The following ARHGAP24 variants were observed in gnomAD, a reference collection of about 807,000 sequenced individuals.
ARHGAP24 encodes Rho GTPase activating protein 24.
In ARHGAP24, 50 loss-of-function variants were observed where a neutral mutation model predicts 76.4. The observed-to-expected ratio is 0.65, with a 90% CI of 0.52 to 0.83. The LOEUF is 0.83. ARHGAP24 is among the 40% of genes least tolerant of loss of function. The pLI, the probability that ARHGAP24 is intolerant of heterozygous loss-of-function variation, is 0.00. For synonymous variants in ARHGAP24, 345 were observed against 323.3 expected, an observed-to-expected ratio of 1.07 and a Z score of -0.72; for missense variants, 930 against 914.2, an observed-to-expected ratio of 1.02 and a Z score of -0.22.
In ARHGAP24 at chr4:85,535,999, A is replaced by G. The variant is rs10016153; in HGVS notation, c.-20-34523A>G. ...CGTTTATTGTGACAGGTATACCATG[A>G]CTTAGTTTACATCGCTGGTGTTTAA... On this transcript the variant is annotated intron_variant, in intron 1 of 9. Transcript: ENST00000395184. Among the ~76,000 whole-genome samples, 424 of 152,258 alleles carry G rather than the reference A, an allele frequency of 2.8e-3. 1 individual carries two copies. The highest frequency in any genetic ancestry group is 9.7e-3 in the African/African-American group (403 of 41,550).
chr4:85,690,937 G>A (rs1379876932), intron 2 of ARHGAP24, among the ~76,000 whole-genome samples: 3 of 151,768 alleles, frequency 2.0e-5, no homozygotes, highest in Non-Finnish European at 2.9e-5. Context: ...TGCAAGGTAA[G>A]GTTGCTAATT....
chr4:85,677,056 C>T (rs1286281460), intron 2 of ARHGAP24, among the ~76,000 whole-genome samples: 1 of 152,162 alleles, frequency 6.6e-6, no homozygotes, highest in African/African-American at 2.4e-5. Context: ...TGGGGGAAAA[C>T]GATTTCGTAC....
At chr4:85,584,993 G>C (rs776700460) in intron 2 of ARHGAP24, among the ~76,000 whole-genome samples, 1 of 152,134 alleles carries the variant, frequency 6.6e-6, no homozygotes, top group Non-Finnish European at 1.5e-5. Context: ...CAAAGAGTGT[G>C]TATGCAAGAT....
chr4:85,992,624 C>A (rs1320377537), intron 8 of ARHGAP24, among the ~76,000 whole-genome samples: 1 of 152,080 alleles, frequency 6.6e-6, no homozygotes, highest in Non-Finnish European at 1.5e-5. Flanking sequence ...TGCGTGTGGG[C>A]AAATAGTAAA....
chr4:85,994,274 G>C (rs932467199), intron 8 of ARHGAP24, among the ~76,000 whole-genome samples: 1 of 152,104 alleles, frequency 6.6e-6, no homozygotes, highest in Non-Finnish European at 1.5e-5. Flanking sequence ...CCTGGGTCTG[G>C]TCCTTAACGT....
chr4:85,782,457 A>T (rs1727609632), intron 3 of ARHGAP24, among the ~76,000 whole-genome samples: 2 of 152,224 alleles, frequency 1.3e-5, no homozygotes, highest in African/African-American at 4.8e-5. Context: ...GAATTAATGC[A>T]TGTTAGCATT....
At chr4:85,877,071 A>T (rs962396405) in intron 3 of ARHGAP24, among the ~76,000 whole-genome samples, 4 of 151,996 alleles carry the variant, frequency 2.6e-5, no homozygotes, top group African/African-American at 9.7e-5. Context: ...AGTTAGAGCC[A>T]TCTCTATCTC....
At chr4:85,485,052 T>A (rs938697762) in intron 1 of ARHGAP24, among the ~76,000 whole-genome samples, 1 of 151,694 alleles carries the variant, frequency 6.6e-6, no homozygotes, top group Non-Finnish European at 1.5e-5. Context: ...CTTAAAAAAA[T>A]ATTGACCTGG....
Position 85,570,392 on chromosome 4 carries a change from T to G in ARHGAP24, c.-20-130T>G. ...TTTCTTTCTTTCTTTCTTTCTTTCTTTCTTTCTTTCTTTCTTTCTTTCTTT... is the reference window on the plus strand; with the variant it reads ...TTTCTTTCTTTCTTTCTTTCTTTCTGTCTTTCTTTCTTTCTTTCTTTCTTT... On this transcript the variant is annotated intron_variant, in intron 1 of 9. Transcript: ENST00000395184. 32 of 10,992 alleles carry G rather than the reference T, an allele frequency of 2.9e-3. 16 individuals carry two copies. The highest frequency in any genetic ancestry group is 4.3e-3 in the Non-Finnish European group (22 of 5,080). 0.7% of individuals were successfully genotyped at this position (10,992 alleles called of 1,614,324 possible). A position where few individuals can be genotyped will look rare whatever the true frequency, so the allele number is the denominator to read the frequency against.
intron 1 of ARHGAP24, among the ~76,000 whole-genome samples, chr4:85,475,917 C>T (rs1722578843): frequency 6.6e-6 from 1 of 151,782 alleles, no homozygotes; most frequent in Non-Finnish European, 1.5e-5. Context: ...TATCCATCCT[C>T]CCCTTCCCCT....
At chr4:85,850,967 C>A (rs345337) in intron 3 of ARHGAP24, among the ~76,000 whole-genome samples, 41 of 152,120 alleles carry the variant, frequency 2.7e-4, no homozygotes, top group African/African-American at 8.2e-4. Context: ...TATTAGGTCC[C>A]CTTGGTGCAG....
At chr4:85,511,804 G>C (rs1268548388) in intron 1 of ARHGAP24, among the ~76,000 whole-genome samples, 1 of 152,198 alleles carries the variant, frequency 6.6e-6, no homozygotes, top group Non-Finnish European at 1.5e-5. Context: ...TAGAAGTGCA[G>C]AATCAAAGTG....
chr4:85,944,523 G>A (rs901049762), intron 5 of ARHGAP24, among the ~76,000 whole-genome samples: 5 of 152,154 alleles, frequency 3.3e-5, no homozygotes, highest in Admixed American at 2.6e-4. Context: ...TAGGTCGCCT[G>A]TTCACGCTGA....
chr4:85,908,552 A>G (rs765118152), intron 3 of ARHGAP24, among the ~76,000 whole-genome samples: 1 of 152,234 alleles, frequency 6.6e-6, no homozygotes, highest in Non-Finnish European at 1.5e-5. Flanking sequence ...TATGCAAATT[A>G]AACTGTATCA....
chr4:85,733,648 G>A (rs1725501271), intron 3 of ARHGAP24, among the ~76,000 whole-genome samples: 1 of 152,114 alleles, frequency 6.6e-6, no homozygotes, highest in African/African-American at 2.4e-5. Flanking sequence ...AGAAGTTCAA[G>A]ATCAAGGTGT....
At chr4:85,991,946 T>C (rs1740355422) in intron 8 of ARHGAP24, 1 of 388,796 alleles carries the variant, frequency 2.6e-6, no homozygotes. Flanking sequence ...CTAGGTTTTT[T>C]TTAAAGAAAA....
chr4:85,865,616 G>A (rs1732155615), intron 3 of ARHGAP24, among the ~76,000 whole-genome samples: 1 of 148,546 alleles, frequency 6.7e-6, no homozygotes, highest in South Asian at 2.1e-4. Context: ...ATTATAATTA[G>A]GGAATGTACA....
intron 3 of ARHGAP24, among the ~76,000 whole-genome samples, chr4:85,872,379 C>A (rs962690124): frequency 1.3e-5 from 2 of 151,892 alleles, no homozygotes; most frequent in African/African-American, 4.8e-5. Flanking sequence ...TCACTGCAAC[C>A]TCTGTCTCCC....
intron 3 of ARHGAP24, among the ~76,000 whole-genome samples, chr4:85,828,530 A>ATTT (rs1560655643): frequency 7.5e-4 from 100 of 133,458 alleles, no homozygotes; most frequent in Non-Finnish European, 1.3e-3. Context: ...TTTTTTTTTA[A>ATTT]AAAAAGCCAA....
Sources: allele counts gnomAD v4.1 joint callset (sites outside exome capture counted in the v4.1 genomes callset), GRCh38; gene constraint gnomAD v4.1.1; transcripts MANE v1.5; gene names NCBI Gene and HGNC (gene_info 2026-07-23, HGNC 2026-07-21).